The following C1QL2 variants were observed in gnomAD, a reference collection of about 807,000 sequenced individuals.
The protein encoded by C1QL2 is complement C1q-like protein 2.
C1QL2 carries 13 observed loss-of-function variants against 16.6 expected under a neutral mutation model. The ratio of observed to expected loss-of-function variants is 0.78; its 90% CI spans 0.51 to 1.25. The LOEUF is 1.25. C1QL2 is among the 50% of genes most tolerant of loss of function. The probability of loss-of-function intolerance (pLI) is 0.00; values close to 1 mark genes in which losing one functional copy is unlikely to be tolerated. For synonymous variants in C1QL2, 210 were observed against 183.2 expected (o/e 1.15, Z -1.18); for missense variants, 396 against 409.6 (o/e 0.97, Z 0.29).
rs779638790 is a variant in C1QL2, at chr2:119,156,589, C to T, written c.*213G>A. The T allele has an allele frequency of 3.3e-4, 189 of 574,810 alleles. No individual in the cohort carries two copies. The highest frequency in any genetic ancestry group is 5.0e-4 in the Non-Finnish European group (171 of 344,464). 35.6% of individuals were successfully genotyped at this position (574,810 alleles called of 1,614,324 possible). A position where few individuals can be genotyped will look rare whatever the true frequency, so the allele number is the denominator to read the frequency against. On this transcript the variant is annotated 3_prime_UTR_variant, in exon 2 of 2. Coordinates refer to ENST00000272520, the MANE Select transcript of C1QL2 (RefSeq NM_182528.4). ...GCTCGGGCGTCCCTTCCTCCCTTGC[C>T]GGGATGGGGATGGAGACCAGGAGCA...
In C1QL2 at chr2:119,158,022, C is replaced by A; in HGVS notation, c.248G>T (p.Arg83Leu). The A allele has an allele frequency of 1.3e-6, 2 of 1,526,874 alleles. No homozygotes were observed. The highest frequency in any genetic ancestry group is 1.2e-5 in the South Asian group (1 of 82,048). The allele number at this position is 1,526,874 out of a possible 1,614,324, so 94.6% of individuals were successfully genotyped here. A position where few individuals can be genotyped will look rare whatever the true frequency, so the allele number is the denominator to read the frequency against. The part of the protein sequence containing the change: ...FIQGPKGDPG[R>L]PGKPGPRGPP... Reference sequence around the variant, plus strand: ...CCCCCGCGGCCCTGGCTTGCCCGGTCGCCCCGGGTCGCCCTTGGGTCCCTG... The same window carrying A: ...CCCCCGCGGCCCTGGCTTGCCCGGTAGCCCCGGGTCGCCCTTGGGTCCCTG... Residue 83 changes from arginine to leucine, a missense_variant, in exon 1 of 2, where the codon CGA becomes CTA. Transcript: ENST00000272520.
Position 119,158,068 on chromosome 2 carries a change from T to G in C1QL2, c.202A>C (p.Asn68His), listed in dbSNP as rs539572942. Reference protein sequence around the residue: ...ALEVMQDLSANPPPPFIQGPK... With the variant: ...ALEVMQDLSAHPPPPFIQGPK... ...CCCTGGATGAAAGGAGGAGGAGGGT[T>G]GGCGCTGAGGTCCTGCATGACTTCC... The change falls in exon 1 of 2, where the codon AAC becomes CAC. Residue 68 changes from asparagine (N) to histidine (H), a missense_variant. Around this residue, in one of 2 missense-constraint regions of C1QL2, gnomAD observed 353 missense variants for 334.8 expected, o/e 1.05. Transcript: ENST00000272520. 7.1e-5 allele frequency: 109 copies of G among 1,531,166 alleles called. No individual in the cohort carries two copies. The East Asian group carries it at 2.5e-3, about 36-fold the overall frequency. The allele number at this position is 1,531,166 out of a possible 1,614,324, so 94.8% of individuals were successfully genotyped here.
In C1QL2 at chr2:119,158,002, G is replaced by T; in HGVS notation, c.268C>A (p.Arg90=). 6.6e-7 allele frequency: 1 copy of T among 1,522,076 alleles called. No individual in the cohort carries two copies. The highest frequency in any genetic ancestry group is 1.2e-5 in the South Asian group (1 of 81,220). The allele number at this position is 1,522,076 out of a possible 1,614,324, so 94.3% of individuals were successfully genotyped here. Residue 90 remains arginine, a synonymous_variant, in exon 1 of 2, where the codon CGG becomes AGG. Transcript: ENST00000272520. ...GGGCCCGGCTCTCCAGGGGGCCCCC[G>T]CGGCCCTGGCTTGCCCGGTCGCCCC... ...DPGRPGKPGP[R]GPPGEPGPPG...
intron 1 of C1QL2, 113 bp downstream of exon 1, chr2:119,157,473 T>C: frequency 1.5e-6 from 2 of 1,318,380 alleles, no homozygotes; most frequent in Non-Finnish European, 2.1e-6. Flanking sequence ...GGCGCGTTCA[T>C]TCCCGGGGCT....
At position 119,158,040 on chromosome 2, in the gene C1QL2, G is replaced by A; in HGVS notation, c.230C>T (p.Pro77Leu). The stretch of plus-strand genomic sequence containing the variant: ...GCCCGGTCGCCCCGGGTCGCCCTTG[G>A]GTCCCTGGATGAAAGGAGGAGGAGG... ...ANPPPPFIQGPKGDPGRPGKP... is the reference protein window; with the variant it reads ...ANPPPPFIQGLKGDPGRPGKP... Residue 77 changes from proline (P) to leucine (L), a missense_variant, in exon 1 of 2, where the codon CCC becomes CTC. Physicochemically the swap from Pro to Leu is moderately conservative, Grantham distance 98. This residue lies in a region of C1QL2 where 353 missense variants were observed against 334.8 expected (regional missense o/e 1.05). Coordinates refer to ENST00000272520, the MANE Select transcript of C1QL2 (RefSeq NM_182528.4). 5.9e-6 allele frequency: 9 copies of A among 1,529,956 alleles called. No individual in the cohort carries two copies. Among genetic ancestry groups the A allele is most frequent in the Non-Finnish European group, 7.9e-6 (9 of 1,138,750 alleles). 94.8% of individuals were successfully genotyped at this position (1,529,956 alleles called of 1,614,324 possible).
chr2:119,158,506 C>G lies in C1QL2; in HGVS notation c.-237G>C. The G allele has an allele frequency of 7.1e-6, 2 of 280,786 alleles. No homozygotes were observed. Among genetic ancestry groups the G allele is most frequent in the Non-Finnish European group, 1.3e-5 (2 of 151,236 alleles). The allele number at this position is 280,786 out of a possible 1,614,324, so 17.4% of individuals were successfully genotyped here. ...GCGAGAGGCGCCGGGACCTCTGAGC[C>G]TGGGCCCACCGCGCTGGGGCTGGTC... On this transcript the variant is annotated 5_prime_UTR_variant, in exon 1 of 2. Transcript: ENST00000272520.
chr2:119,157,592 G>A lies in C1QL2; in HGVS notation c.678C>T (p.Asn226=). The A allele has an allele frequency of 6.2e-7, 1 of 1,614,020 alleles. No individual in the cohort carries two copies. Among genetic ancestry groups the A allele is most frequent in the South Asian group, 1.1e-5 (1 of 91,052 alleles). ...GAGTGTAGGGGTCACTGACCTGCCC[G>A]TTCTTGCAGAGGTCCGCCCACATGC... ...GTSMWADLCK[N]GQVRASAIAQ... The change falls in exon 1 of 2, where the codon AAC becomes AAT. Residue 226 remains asparagine, a synonymous_variant. Coordinates refer to ENST00000272520, the MANE Select transcript of C1QL2 (RefSeq NM_182528.4).
Position 119,158,170 on chromosome 2 carries a change from C to T in C1QL2, c.100G>A (p.Asp34Asn). 6.3e-7 allele frequency: 1 copy of T among 1,577,214 alleles called. No individual in the cohort carries two copies. The highest frequency in any genetic ancestry group is 1.2e-5 in the South Asian group (1 of 86,956). ...CCGCCGGGCGCGGCAGTGTAAGGGTCGCAGATCATGCGGCAGGTGCCCATC... is the reference window on the plus strand; with the variant it reads ...CCGCCGGGCGCGGCAGTGTAAGGGTTGCAGATCATGCGGCAGGTGCCCATC... ...EMMGTCRMIC[D>N]PYTAAPGGEP... The change falls in exon 1 of 2, where the codon GAC becomes AAC. Residue 34 changes from aspartate to asparagine, a missense_variant. Physicochemically the swap from Asp to Asn is conservative, Grantham distance 23. This residue lies in a region of C1QL2 where 353 missense variants were observed against 334.8 expected (regional missense o/e 1.05). Coordinates refer to ENST00000272520, the MANE Select transcript of C1QL2 (RefSeq NM_182528.4).
intron 1 of C1QL2, among the ~76,000 whole-genome samples, chr2:119,157,189 G>A (rs1316924170): frequency 6.6e-6 from 1 of 152,212 alleles, no homozygotes; most frequent in Non-Finnish European, 1.5e-5. Flanking sequence ...AATAGGGAGA[G>A]GGGAAGCTTC....
rs753735785 is a variant in C1QL2 at position 119,157,702 on chromosome 2, G to A, written c.568C>T (p.Pro190Ser). The A allele has an allele frequency of 2.5e-6, 4 of 1,614,160 alleles. No homozygotes were observed. Among genetic ancestry groups the A allele is most frequent in the Admixed American group, 3.3e-5 (2 of 60,028 alleles). The change falls in exon 1 of 2, where the codon CCC becomes TCC. Residue 190 changes from proline (P) to serine (S), a missense_variant. This residue lies in a region of C1QL2 where 353 missense variants were observed against 334.8 expected (regional missense o/e 1.05). Coordinates refer to ENST00000272520, the MANE Select transcript of C1QL2 (RefSeq NM_182528.4). ...TGGCAGCTGAACTTGCCCGTGGTGG[G>A]GTCATAGTGATTGCCGAGGTTGGTG... ...VVTNLGNHYD[P>S]TTGKFSCQVR...
rs1434201121 is a variant in C1QL2, at chr2:119,158,035, C to T, written c.235G>A (p.Gly79Ser). ...PPPPFIQGPK[G>S]DPGRPGKPGP... Reference sequence around the variant, plus strand: ...GGCTTGCCCGGTCGCCCCGGGTCGCCCTTGGGTCCCTGGATGAAAGGAGGA... The same window carrying T: ...GGCTTGCCCGGTCGCCCCGGGTCGCTCTTGGGTCCCTGGATGAAAGGAGGA... Residue 79 changes from glycine to serine, a missense_variant, in exon 1 of 2, where the codon GGC becomes AGC. Physicochemically the swap from Gly to Ser is moderately conservative, Grantham distance 56. Transcript: ENST00000272520. The T allele has an allele frequency of 6.5e-7, 1 of 1,529,496 alleles. No individual in the cohort carries two copies. The highest frequency in any genetic ancestry group is 8.8e-7 in the Non-Finnish European group (1 of 1,138,588). The allele number at this position is 1,529,496 out of a possible 1,614,324, so 94.7% of individuals were successfully genotyped here.
In C1QL2 at chr2:119,156,617, G is replaced by T; in HGVS notation, c.*185C>A. ...GATGGGGATGGAGACCAGGAGCACA[G>T]CCCTGAGCGTGGTGGGTCGCAGACG... is the stretch of plus-strand genomic sequence containing the variant. On this transcript the variant is annotated 3_prime_UTR_variant, in exon 2 of 2. Transcript: ENST00000272520. The T allele has an allele frequency of 1.4e-6, 1 of 696,262 alleles. No homozygotes were observed. The highest frequency in any genetic ancestry group is 2.3e-6 in the Non-Finnish European group (1 of 432,374). 43.1% of individuals were successfully genotyped at this position (696,262 alleles called of 1,614,324 possible). A position where few individuals can be genotyped will look rare whatever the true frequency, so the allele number is the denominator to read the frequency against.
Position 119,158,026 on chromosome 2 carries a change from C to G in C1QL2, c.244G>C (p.Gly82Arg), listed in dbSNP as rs939211120. The change falls in exon 1 of 2, where the codon GGG becomes CGG. Residue 82 changes from glycine to arginine, a missense_variant. Physicochemically the swap from Gly to Arg is moderately radical, Grantham distance 125 (BLOSUM62 -2). Transcript: ENST00000272520. ...PFIQGPKGDP[G>R]RPGKPGPRGP... ...CGCGGCCCTGGCTTGCCCGGTCGCC[C>G]CGGGTCGCCCTTGGGTCCCTGGATG... 1 of 1,528,210 alleles carries G rather than the reference C, an allele frequency of 6.5e-7. No individual in the cohort carries two copies. The allele number at this position is 1,528,210 out of a possible 1,614,324, so 94.7% of individuals were successfully genotyped here. A position where few individuals can be genotyped will look rare whatever the true frequency, so the allele number is the denominator to read the frequency against.
rs1395738839 is a variant in C1QL2 at position 119,158,606 on chromosome 2, G to T, written c.-337C>A. The T allele has an allele frequency of 1.8e-5, 3 of 168,612 alleles. No individual in the cohort carries two copies. The highest frequency in any genetic ancestry group is 3.8e-5 in the Non-Finnish European group (3 of 78,662). The allele number at this position is 168,612 out of a possible 1,614,324, so 10.4% of individuals were successfully genotyped here. A position where few individuals can be genotyped will look rare whatever the true frequency, so the allele number is the denominator to read the frequency against. ...TCCGGCGCCCCGAGGGTCCGGCGCC[G>T]GCCAGGGAGTGCTTGCGCTGGCCGG... is the stretch of plus-strand genomic sequence containing the variant. On this transcript the variant is annotated 5_prime_UTR_variant, in exon 1 of 2. Transcript: ENST00000272520.
chr2:119,157,785 T>C lies in C1QL2; in HGVS notation c.485A>G (p.Tyr162Cys). ...TTCGTGGGGGCTCTTGAGACCCACA[T>C]AGAAGGCGATCTTGGGGCCGCTGAA... Reference protein sequence around the residue: ...ATFSGPKIAFYVGLKSPHEGY... With the variant: ...ATFSGPKIAFCVGLKSPHEGY... Residue 162 changes from tyrosine to cysteine, a missense_variant, in exon 1 of 2, where the codon TAT becomes TGT. By Grantham distance (194) the Tyr-to-Cys change is radical (BLOSUM62 -2). Coordinates refer to ENST00000272520, the MANE Select transcript of C1QL2 (RefSeq NM_182528.4). The C allele has an allele frequency of 6.2e-7, 1 of 1,609,770 alleles. No individual in the cohort carries two copies. The highest frequency in any genetic ancestry group is 8.5e-7 in the Non-Finnish European group (1 of 1,177,940).
chr2:119,156,263 T>G lies in C1QL2; in HGVS notation c.*539A>C, dbSNP rs1267212878. On this transcript the variant is annotated 3_prime_UTR_variant, in exon 2 of 2. Transcript: ENST00000272520. ...GAACGCATAGTCTAAAAACATAATT[T>G]AATGCATCGCGGTGAGTCTGAGTCA... 6.5e-6 allele frequency: 1 copy of G among 153,440 alleles called. No homozygotes were observed. The highest frequency in any genetic ancestry group is 1.5e-5 in the Non-Finnish European group (1 of 68,706). The allele number at this position is 153,440 out of a possible 1,614,324, so 9.5% of individuals were successfully genotyped here. A position where few individuals can be genotyped will look rare whatever the true frequency, so the allele number is the denominator to read the frequency against.
chr2:119,157,871 GC>G lies in C1QL2; in HGVS notation c.398del (p.Gly133AlafsTer6). On this transcript the variant is annotated frameshift_variant, in exon 1 of 2. Coordinates refer to ENST00000272520, the MANE Select transcript of C1QL2 (RefSeq NM_182528.4). LOFTEE classifies it high-confidence loss of function. ...AGTASGVGVV[G>X]GGAGVGGDSE... ...AATCGCCACCTACCCCGGCCCCGCC[GC>G]CCACCACCCCGACGCCGCTGGCCGT... 1 of 1,582,148 alleles carries G rather than the reference GC, an allele frequency of 6.3e-7. No homozygotes were observed. The highest frequency in any genetic ancestry group is 8.6e-7 in the Non-Finnish European group (1 of 1,165,100).
At position 119,158,004 on chromosome 2, in the gene C1QL2, G is replaced by T; in HGVS notation, c.266C>A (p.Pro89Gln). 6.6e-7 allele frequency: 1 copy of T among 1,520,342 alleles called. No homozygotes were observed. The highest frequency in any genetic ancestry group is 1.2e-5 in the South Asian group (1 of 81,134). The allele number at this position is 1,520,342 out of a possible 1,614,324, so 94.2% of individuals were successfully genotyped here. Residue 89 changes from proline (P) to glutamine (Q), a missense_variant, in exon 1 of 2, where the codon CCG (proline) becomes CAG (glutamine). This residue lies in a region of C1QL2 where 353 missense variants were observed against 334.8 expected (regional missense o/e 1.05). Coordinates refer to ENST00000272520, the MANE Select transcript of C1QL2 (RefSeq NM_182528.4). ...GCCCGGCTCTCCAGGGGGCCCCCGC[G>T]GCCCTGGCTTGCCCGGTCGCCCCGG... ...GDPGRPGKPG[P>Q]RGPPGEPGPP...
rs1677963896 is a variant in C1QL2 at position 119,156,546 on chromosome 2, TGTGCC to T, written c.*251_*255del. On this transcript the variant is annotated 3_prime_UTR_variant, in exon 2 of 2. Transcript: ENST00000272520. ...CCAGTCTAATCAGGTTTGCAAAGTC[TGTGCC>T]GCCGCCTCAAGGGCTCGGGCGTCCC... The T allele has an allele frequency of 2.2e-6, 1 of 445,420 alleles. No individual in the cohort carries two copies. Among genetic ancestry groups the T allele is most frequent in the Non-Finnish European group, 4.0e-6 (1 of 249,932 alleles). 27.6% of individuals were successfully genotyped at this position (445,420 alleles called of 1,614,324 possible).
Sources: allele counts gnomAD v4.1 joint callset (sites outside exome capture counted in the v4.1 genomes callset), GRCh38; gene constraint gnomAD v4.1.1; regional missense constraint gnomAD v4.1.1; transcripts MANE v1.5; gene names NCBI Gene and HGNC (gene_info 2026-07-23, HGNC 2026-07-21).